Variants in SLC6A3 observed in about 807,000 individuals in gnomAD.
The protein encoded by SLC6A3 is solute carrier family 6 member 3, also known as sodium-dependent dopamine transporter.
A neutral mutation model predicts 70.4 loss-of-function variants in SLC6A3; 19 were observed. The observed-to-expected ratio is 0.27, with a 90% CI of 0.19 to 0.40. The LOEUF is 0.40. SLC6A3 is among the 10% of genes least tolerant of loss of function. The probability of loss-of-function intolerance (pLI) is 1.00; values close to 1 mark genes in which losing one functional copy is unlikely to be tolerated. For synonymous variants in SLC6A3, 368 were observed against 356.6 expected, an observed-to-expected ratio of 1.03 and a Z score of -0.36; for missense variants, 613 against 838.5, an observed-to-expected ratio of 0.73 and a Z score of 3.32.
intron 1 of SLC6A3, among the ~76,000 whole-genome samples, chr5:1,443,842 T>TTG (rs1300078146): frequency 4.0e-5 from 6 of 150,534 alleles, no homozygotes; most frequent in African/African-American, 7.3e-5. Context: ...TAAGTTATTT[T>TTG]TGTGTGTGTT....
intron 6 of SLC6A3, among the ~76,000 whole-genome samples, chr5:1,420,181 C>T (rs1560916988): frequency 6.6e-6 from 1 of 152,208 alleles, no homozygotes; most frequent in Non-Finnish European, 1.5e-5. Flanking sequence ...TTTTGTCATG[C>T]CAGCCTTCCG....
chr5:1,433,683 C>T (rs550922569), intron 3 of SLC6A3, among the ~76,000 whole-genome samples: 128 of 152,238 alleles, frequency 8.4e-4, no homozygotes, highest in African/African-American at 3.0e-3. Flanking sequence ...TCACAACCAT[C>T]CACAGCCATC....
chr5:1,414,434 G>A (rs1233570710), intron 8 of SLC6A3, among the ~76,000 whole-genome samples: 238 of 149,524 alleles, frequency 1.6e-3, no homozygotes, highest in African/African-American at 5.6e-3. Flanking sequence ...AGAAGGCACT[G>A]GGTGGGGGGC....
chr5:1,423,354 A>ATGCTGCTGGGTACCCAC, intron 4 of SLC6A3, among the ~76,000 whole-genome samples: 1 of 98,526 alleles, frequency 1.0e-5, no homozygotes, highest in Admixed American at 1.0e-4. Flanking sequence ...AGTGCTGCCC[A>ATGCTGCTGGGTACCCAC]CGCTGCTGGG....
chr5:1,395,332 A>C (rs941625596), intron 14 of SLC6A3, among the ~76,000 whole-genome samples: 2 of 152,238 alleles, frequency 1.3e-5, no homozygotes, highest in African/African-American at 4.8e-5. Flanking sequence ...ATCGCCTGCT[A>C]TTATGCAGCT....
chr5:1,403,684 G>A (rs1755905644), intron 12 of SLC6A3, among the ~76,000 whole-genome samples: 3 of 151,900 alleles, frequency 2.0e-5, no homozygotes, highest in Non-Finnish European at 2.9e-5. Context: ...TGACCCATGC[G>A]GGACCACCCT....
rs568113317 is a variant in SLC6A3 at position 1,442,447 on chromosome 5, C to A, written c.286+465G>T. 1.3e-4 allele frequency among the ~76,000 whole-genome samples: 20 copies of A among 152,318 alleles called. No individual in the cohort carries two copies. Among genetic ancestry groups the A allele is most frequent in the African/African-American group, 4.8e-4 (20 of 41,572 alleles). The stretch of plus-strand genomic sequence containing the variant: ...CCCTGCCTCGATCTTCGCTTTCTGG[C>A]TCTGTGGCTGGGTTCTGGAGGGTGC... On this transcript the variant is annotated intron_variant, in intron 2 of 14. Coordinates refer to ENST00000270349, the MANE Select transcript of SLC6A3 (RefSeq NM_001044.5). This position sits in a 1 kb window ranked among gnomAD's most constrained non-coding sequence, Gnocchi z 5.0.
rs1244102660 is a variant in SLC6A3, at chr5:1,396,131, AAG to A, written c.1840-1375_1840-1374del. 6.6e-6 allele frequency among the ~76,000 whole-genome samples: 1 copy of A among 152,150 alleles called. No individual in the cohort carries two copies. Among genetic ancestry groups the A allele is most frequent in the Non-Finnish European group, 1.5e-5 (1 of 68,014 alleles). On this transcript the variant is annotated intron_variant, in intron 14 of 14. Coordinates refer to ENST00000270349, the MANE Select transcript of SLC6A3 (RefSeq NM_001044.5). This position sits in a 1 kb window ranked among gnomAD's most constrained non-coding sequence, Gnocchi z 7.0. ...CGCAGCTTCCAGAGATGAAGTAGAAAAGAGAATGGCTGGGCTGCAGACCAGGG... is the reference window on the plus strand; with the variant it reads ...CGCAGCTTCCAGAGATGAAGTAGAAAAGAATGGCTGGGCTGCAGACCAGGG...
chr5:1,425,087 G>GC (rs1006993356), intron 4 of SLC6A3, among the ~76,000 whole-genome samples: 1 of 152,216 alleles, frequency 6.6e-6, no homozygotes, highest in Non-Finnish European at 1.5e-5. Context: ...AAAAGTGTTG[G>GC]CCCAGGATGT....
At position 1,411,029 on chromosome 5, in the gene SLC6A3, G is replaced by A. The variant is rs961281016; in HGVS notation, c.1269+214C>T. 6.6e-6 allele frequency among the ~76,000 whole-genome samples: 1 copy of A among 152,138 alleles called. No homozygotes were observed. The highest frequency in any genetic ancestry group is 1.5e-5 in the Non-Finnish European group (1 of 67,996). ...CAGGGCACACAGGTACCCCAGAGTA[G>A]GGGGATAAAGGGAAAGGTAAACTCC... On this transcript the variant is annotated intron_variant, in intron 9 of 14. Coordinates refer to ENST00000270349, the MANE Select transcript of SLC6A3 (RefSeq NM_001044.5). This position sits in a 1 kb window ranked among gnomAD's most constrained non-coding sequence, Gnocchi z 6.5.
At chr5:1,433,283 G>A (rs988961972) in intron 3 of SLC6A3, among the ~76,000 whole-genome samples, 1 of 151,678 alleles carries the variant, frequency 6.6e-6, no homozygotes, top group African/African-American at 2.4e-5. Context: ...GCCATCAAAG[G>A]TCGTCTAGGG....
At chr5:1,443,381 G>A (rs932266918) in intron 1 of SLC6A3, 139 bp from the exon 2 acceptor site, 1 of 720,816 alleles carries the variant, frequency 1.4e-6, no homozygotes, top group Non-Finnish European at 2.4e-6. Context: ...TGCGTTCTCA[G>A]CGCCTGAGAT....
chr5:1,441,831 C>T (rs890780744), intron 2 of SLC6A3, among the ~76,000 whole-genome samples: 2 of 152,142 alleles, frequency 1.3e-5, no homozygotes, highest in Non-Finnish European at 2.9e-5. Context: ...TGGCCTGCGT[C>T]CCCCCACTTT....
chr5:1,409,594 TG>T, intron 10 of SLC6A3, 126 bp downstream of exon 10: 1 of 1,058,078 alleles, frequency 9.5e-7, no homozygotes, highest in Non-Finnish European at 1.5e-6. Flanking sequence ...TTTTCTGGGG[TG>T]GGTGGGTTCG....
Position 1,436,242 on chromosome 5 carries a change from G to A in SLC6A3, c.419-3544C>T, listed in dbSNP as rs1006893147. 3.9e-5 allele frequency among the ~76,000 whole-genome samples: 6 copies of A among 152,346 alleles called. No homozygotes were observed. The highest frequency in any genetic ancestry group is 1.2e-4 in the African/African-American group (5 of 41,576). ...CTCACCAACCAGCCAACTTCACCACGAGCTCCTCAAGCTCACCGAAGGCCC... is the reference window on the plus strand; with the variant it reads ...CTCACCAACCAGCCAACTTCACCACAAGCTCCTCAAGCTCACCGAAGGCCC... On this transcript the variant is annotated intron_variant, in intron 3 of 14. Coordinates refer to ENST00000270349, the MANE Select transcript of SLC6A3 (RefSeq NM_001044.5). This position sits in a 1 kb window ranked among gnomAD's most constrained non-coding sequence, Gnocchi z 5.2.
At position 1,402,833 on chromosome 5, in the gene SLC6A3, C is replaced by G; in HGVS notation, c.1767+89G>C. The G allele has an allele frequency of 7.5e-7, 1 of 1,337,414 alleles. No individual in the cohort carries two copies. The highest frequency in any genetic ancestry group is 1.4e-5 in the African/African-American group (1 of 69,040). 82.8% of individuals were successfully genotyped at this position (1,337,414 alleles called of 1,614,324 possible). A position where few individuals can be genotyped will look rare whatever the true frequency, so the allele number is the denominator to read the frequency against. On this transcript the variant is annotated intron_variant, in intron 13 of 14. Coordinates refer to ENST00000270349, the MANE Select transcript of SLC6A3 (RefSeq NM_001044.5). This position sits in a 1 kb window ranked among gnomAD's most constrained non-coding sequence, Gnocchi z 8.5. Reference sequence around the variant, plus strand: ...CTCCTCCTCTTGGTCACAGATGACCCAGGCAGGTGAGGACTGGGGCCATGG... The same window carrying G: ...CTCCTCCTCTTGGTCACAGATGACCGAGGCAGGTGAGGACTGGGGCCATGG...
Position 1,414,828 on chromosome 5 carries a change from G to T in SLC6A3, c.1032-13C>A, listed in dbSNP as rs1756242424. ...GACAATCGCGTCCCTGTAAGAACAA[G>T]ACACGCCGTCTCAGGAACCAGCTGA... On this transcript the variant is annotated splice_polypyrimidine_tract_variant and intron_variant, in intron 7 of 14. Transcript: ENST00000270349. 1.2e-6 allele frequency: 2 copies of T among 1,612,828 alleles called. No homozygotes were observed. Among genetic ancestry groups the T allele is most frequent in the Non-Finnish European group, 1.7e-6 (2 of 1,179,804 alleles).
chr5:1,407,392 C>T (rs975971705), intron 11 of SLC6A3, among the ~76,000 whole-genome samples: 13 of 152,224 alleles, frequency 8.5e-5, no homozygotes, highest in Admixed American at 2.6e-4. Context: ...CCAAGAGGGG[C>T]GTCCCCAAGG....
rs1177639090 is a variant in SLC6A3, at chr5:1,441,365, G to A, written c.412C>T (p.Leu138=). ...GGAGGCACCCGCATATTACCTTTCA[G>A]TATGGGGCAGATCTTCCAGACACCA... ...AAGVWKICPI[L]KGVGFTVILI... The change falls in exon 3 of 15, where the codon CTG becomes TTG. Residue 138 remains leucine (L), a synonymous_variant. Transcript: ENST00000270349. 1.2e-6 allele frequency: 2 copies of A among 1,614,104 alleles called. No homozygotes were observed. The highest frequency in any genetic ancestry group is 8.5e-7 in the Non-Finnish European group (1 of 1,180,046).
Sources: gnomAD v4.1 joint callset for allele counts (sites outside exome capture counted in the v4.1 genomes callset) on GRCh38, gnomAD v4.1.1 for gene constraint, Gnocchi (gnomAD v3.1) non-coding constraint, MANE v1.5 for transcripts, NCBI Gene and HGNC (gene_info 2026-07-23, HGNC 2026-07-21) for gene names.